Variants in KIAA1217 observed in about 807,000 individuals in gnomAD.
The protein encoded by KIAA1217 is sickle tail protein homolog.
KIAA1217 carries 88 observed loss-of-function variants against 163.9 expected under a neutral mutation model. That is an observed-to-expected ratio of 0.54 (90% CI 0.45 to 0.64). The LOEUF is 0.64. Among genes scored for constraint, KIAA1217 ranks in the 30% least tolerant of loss-of-function variants. The probability of loss-of-function intolerance (pLI) is 0.00; values close to 1 mark genes in which losing one functional copy is unlikely to be tolerated. For missense variants in KIAA1217, 2,372 were observed against 2,475.0 expected, an observed-to-expected ratio of 0.96 and a Z score of 0.88; for synonymous variants, 903 against 923.1, an observed-to-expected ratio of 0.98 and a Z score of 0.39.
intron 2 of KIAA1217, among the ~76,000 whole-genome samples, chr10:24,287,012 C>G (rs2078607417): frequency 6.6e-6 from 1 of 152,112 alleles, no homozygotes; most frequent in African/African-American, 2.4e-5. Context: ...AGCATCTTGC[C>G]TTTACCTCTC....
At chr10:23,877,955 A>G (rs1840770916) in intron 1 of KIAA1217, among the ~76,000 whole-genome samples, 1 of 151,970 alleles carries the variant, frequency 6.6e-6, no homozygotes, top group African/African-American at 2.4e-5. Context: ...CAGAGGAACC[A>G]CAGAATCAGG....
chr10:24,207,484 T>C (rs1392993820), upstream of KIAA1217, among the ~76,000 whole-genome samples: 3 of 152,196 alleles, frequency 2.0e-5, no homozygotes, highest in Non-Finnish European at 4.4e-5. Flanking sequence ...TAAAACTAGA[T>C]TCATCTGGCC....
chr10:24,297,643 C>T (rs1447891224), intron 2 of KIAA1217, among the ~76,000 whole-genome samples: 1 of 152,114 alleles, frequency 6.6e-6, no homozygotes, highest in Non-Finnish European at 1.5e-5. Context: ...GTAATCCAAG[C>T]TACTCAGGAG....
intron 2 of KIAA1217, among the ~76,000 whole-genome samples, chr10:24,354,996 A>G (rs1453066590): frequency 2.0e-5 from 3 of 152,202 alleles, no homozygotes; most frequent in Non-Finnish European, 4.4e-5. Context: ...TTTTTCTCCC[A>G]GTAAAGCTTA....
intron 1 of KIAA1217, among the ~76,000 whole-genome samples, chr10:23,817,545 G>A (rs1011527817): frequency 6.6e-6 from 1 of 152,054 alleles, no homozygotes; most frequent in African/African-American, 2.4e-5. Context: ...TAAACTCCAG[G>A]ATAAAAGAAG....
chr10:23,978,579 A>G (rs867998358), intron 1 of KIAA1217, among the ~76,000 whole-genome samples: 4 of 152,240 alleles, frequency 2.6e-5, no homozygotes, highest in Middle Eastern at 6.8e-3. Flanking sequence ...AGAGCACAAC[A>G]TTACAGGAAG....
At chr10:23,979,575 C>T (rs78641643) in intron 1 of KIAA1217, among the ~76,000 whole-genome samples, 4,355 of 152,142 alleles carry the variant, frequency 0.029, 206 homozygotes, top group African/African-American at 0.099. Context: ...AACGTTGATA[C>T]GGAAAATCAT....
At chr10:23,771,324 G>A (rs1462359345) in intron 1 of KIAA1217, among the ~76,000 whole-genome samples, 2 of 152,126 alleles carry the variant, frequency 1.3e-5, no homozygotes, top group African/African-American at 4.8e-5. Context: ...TGAGCTAAAA[G>A]CCATAGGTTT....
chr10:24,277,136 G>A (rs1797683009), intron 2 of KIAA1217, among the ~76,000 whole-genome samples: 1 of 152,162 alleles, frequency 6.6e-6, no homozygotes, highest in South Asian at 2.1e-4. Flanking sequence ...TTTATAGCTT[G>A]GAAATTCTTG....
intron 2 of KIAA1217, among the ~76,000 whole-genome samples, chr10:24,281,452 G>C (rs1214433593): frequency 2.6e-5 from 4 of 152,142 alleles, no homozygotes; most frequent in African/African-American, 7.2e-5. Context: ...ACATTAATTA[G>C]GTCAGCATCT....
intron 2 of KIAA1217, among the ~76,000 whole-genome samples, chr10:24,353,628 C>T (rs1178067321): frequency 1.3e-5 from 2 of 152,020 alleles, no homozygotes; most frequent in Non-Finnish European, 2.9e-5. Flanking sequence ...GGCTATTTTC[C>T]CTCTCTCTCT....
At chr10:24,003,087 A>G (rs1435721107) in intron 1 of KIAA1217, among the ~76,000 whole-genome samples, 3 of 152,096 alleles carry the variant, frequency 2.0e-5, no homozygotes, top group East Asian at 1.9e-4. Flanking sequence ...CATCTCTACA[A>G]TTGTGAATTG....
intron 16 of KIAA1217, among the ~76,000 whole-genome samples, chr10:24,536,121 G>A (rs527345968): frequency 6.6e-6 from 1 of 152,174 alleles, no homozygotes; most frequent in Admixed American, 6.5e-5. Context: ...TCTGAGAACT[G>A]ACCTTCCTGA....
At chr10:24,190,720 C>T (rs2066678163) in intron 2 of KIAA1217, among the ~76,000 whole-genome samples, 1 of 152,160 alleles carries the variant, frequency 6.6e-6, no homozygotes, top group Admixed American at 6.6e-5. Context: ...TTTCTTAACA[C>T]CTTTCCATCC....
At chr10:23,900,709 T>A (rs1415488150) in intron 1 of KIAA1217, among the ~76,000 whole-genome samples, 1 of 152,082 alleles carries the variant, frequency 6.6e-6, no homozygotes, top group Non-Finnish European at 1.5e-5. Flanking sequence ...GGGTTACCTC[T>A]AAGGTACCAT....
At chr10:23,772,529 T>TGGTACTGACTTCTGAGTTTGGTAGGAA (rs1588767488) in intron 1 of KIAA1217, among the ~76,000 whole-genome samples, 2 of 152,168 alleles carry the variant, frequency 1.3e-5, no homozygotes, top group East Asian at 3.8e-4. Flanking sequence ...AGCATTTGGA[T>TGGTACTGACTTCTGAGTTTGGTAGGAA]GGTACTGACT....
At chr10:24,250,359 AAC>A (rs1226120982) in intron 2 of KIAA1217, among the ~76,000 whole-genome samples, 1 of 152,020 alleles carries the variant, frequency 6.6e-6, no homozygotes, top group African/African-American at 2.4e-5. Context: ...ATGACTCCCA[AAC>A]ACACAGAATG....
intron 3 of KIAA1217, among the ~76,000 whole-genome samples, chr10:24,401,062 G>A (rs1261905135): frequency 1.3e-5 from 2 of 150,766 alleles, no homozygotes; most frequent in Admixed American, 1.3e-4. Context: ...AGCAGCTGGA[G>A]AGAAATGACA....
intron 2 of KIAA1217, among the ~76,000 whole-genome samples, chr10:24,293,312 C>A (rs2079286219): frequency 6.6e-6 from 1 of 152,212 alleles, no homozygotes; most frequent in Non-Finnish European, 1.5e-5. Context: ...CTCAAGTGAT[C>A]TGCCAGCGTC....
Sources: allele counts gnomAD v4.1 joint callset (sites outside exome capture counted in the v4.1 genomes callset), GRCh38; gene constraint gnomAD v4.1.1; transcripts MANE v1.5; gene names NCBI Gene and HGNC (gene_info 2026-07-23, HGNC 2026-07-21).